Variants in DGKB observed in about 807,000 individuals in gnomAD.
The protein encoded by DGKB is diacylglycerol kinase beta.
In DGKB, 67 loss-of-function variants were observed where a neutral mutation model predicts 114.3. That is an observed-to-expected ratio of 0.59 (90% CI 0.48 to 0.72). The LOEUF (loss-of-function observed/expected upper bound fraction) is 0.72, where lower values mean the gene tolerates loss of function less well. Ranked by LOEUF, DGKB falls within the 30% of genes least tolerant of loss-of-function variation. The pLI, the probability that DGKB is intolerant of heterozygous loss-of-function variation, is 0.00. For missense variants in DGKB, 907 were observed against 975.2 expected, an observed-to-expected ratio of 0.93 and a Z score of 0.93; for synonymous variants, 398 against 323.1, an observed-to-expected ratio of 1.23 and a Z score of -2.49.
At chr7:14,353,222 T>C (rs980002989) in intron 21 of DGKB, among the ~76,000 whole-genome samples, 7 of 152,166 alleles carry the variant, frequency 4.6e-5, no homozygotes, top group African/African-American at 7.2e-5. Context: ...GAAAATGTTA[T>C]AGGCCAGAAA....
intron 2 of DGKB, among the ~76,000 whole-genome samples, chr7:14,784,367 CTTTTT>C (rs1216046590): frequency 7.7e-6 from 1 of 129,200 alleles, no homozygotes; most frequent in Non-Finnish European, 1.6e-5. Context: ...AAATTATATG[CTTTTT>C]TTTTTTTTTT....
Position 14,728,374 on chromosome 7 carries a change from C to A in DGKB, c.322+7667G>T, listed in dbSNP as rs1830330468. On this transcript the variant is annotated intron_variant, in intron 5 of 25. Coordinates refer to ENST00000402815, the MANE Select transcript of DGKB (RefSeq NM_001350709.2). The stretch of plus-strand genomic sequence containing the variant: ...GGATAAAATTCACAACTTAGCATGA[C>A]AGGCAAAACTCTTCCCCACCTGGCC... 2.0e-5 allele frequency among the ~76,000 whole-genome samples: 3 copies of A among 152,278 alleles called. No homozygotes were observed. In the East Asian group the frequency reaches 5.8e-4, roughly 29 times the overall value.
Position 14,205,632 on chromosome 7 carries a change from T to C in DGKB, c.2123-27481A>G, listed in dbSNP as rs529675522. On this transcript the variant is annotated intron_variant, in intron 23 of 25. Transcript: ENST00000402815. ...AGGATCAGACAACATTGGGCCAACTTATCCTCCTTATAAACCTTTTCACCT... is the reference window on the plus strand; with the variant it reads ...AGGATCAGACAACATTGGGCCAACTCATCCTCCTTATAAACCTTTTCACCT... Among the ~76,000 whole-genome samples, 25 of 152,146 alleles carry C rather than the reference T, an allele frequency of 1.6e-4. No individual in the cohort carries two copies. The East Asian group carries it at 4.1e-3, about 25-fold the overall frequency.
At chr7:14,753,298 A>G (rs1245566658) in intron 4 of DGKB, among the ~76,000 whole-genome samples, 3 of 152,210 alleles carry the variant, frequency 2.0e-5, no homozygotes, top group Non-Finnish European at 4.4e-5. Context: ...TAGCTACTCT[A>G]GTGTGATTAA....
intron 1 of DGKB, among the ~76,000 whole-genome samples, chr7:14,928,001 T>G (rs1428029350): frequency 1.3e-5 from 2 of 151,938 alleles, no homozygotes; most frequent in African/African-American, 4.8e-5. Flanking sequence ...AAATGTACCC[T>G]TCATAGTGCT....
rs11348925 is a variant in DGKB, at chr7:14,737,283, A to ATTT, written c.169-1092_169-1090dup. ...CTTTATAGGTAGCCCTTGAAGGCCAATTTTTTTTTTTTTTTTTTTTTTTTT... is the reference window on the plus strand; with the variant it reads ...CTTTATAGGTAGCCCTTGAAGGCCAATTTTTTTTTTTTTTTTTTTTTTTTTTTT... On this transcript the variant is annotated intron_variant, in intron 4 of 25. Coordinates refer to ENST00000402815, the MANE Select transcript of DGKB (RefSeq NM_001350709.2). Among the ~76,000 whole-genome samples, 452 of 82,512 alleles carry ATTT rather than the reference A, an allele frequency of 5.5e-3. 8 individuals are homozygous for ATTT. Among genetic ancestry groups the ATTT allele is most frequent in the East Asian group, 0.044 (115 of 2,588 alleles). 54.1% of individuals were successfully genotyped at this position (82,512 alleles called of 152,430 possible). A position where few individuals can be genotyped will look rare whatever the true frequency, so the allele number is the denominator to read the frequency against.
chr7:14,823,406 T>C (rs376128984), intron 2 of DGKB, among the ~76,000 whole-genome samples: 1 of 152,052 alleles, frequency 6.6e-6, no homozygotes, highest in African/African-American at 2.4e-5. Flanking sequence ...AATTAGCCTT[T>C]GGAGAGAAAA....
chr7:14,538,369 C>T (rs1792882785), intron 20 of DGKB, among the ~76,000 whole-genome samples: 1 of 152,066 alleles, frequency 6.6e-6, no homozygotes, highest in African/African-American at 2.4e-5. Context: ...TGATGCTCAA[C>T]AGTTGTATAA....
chr7:14,253,468 C>T (rs1795536115), intron 23 of DGKB, among the ~76,000 whole-genome samples: 1 of 152,128 alleles, frequency 6.6e-6, no homozygotes, highest in African/African-American at 2.4e-5. Flanking sequence ...AGGCTATTAG[C>T]ACTATATTGT....
At chr7:14,847,106 C>T (rs1057370147) in intron 1 of DGKB, among the ~76,000 whole-genome samples, 24 of 151,802 alleles carry the variant, frequency 1.6e-4, no homozygotes, top group African/African-American at 4.6e-4. Context: ...CTGGCTAACA[C>T]GGTGAAACCC....
intron 17 of DGKB, among the ~76,000 whole-genome samples, chr7:14,586,090 A>T (rs1800715718): frequency 6.6e-6 from 1 of 152,156 alleles, no homozygotes; most frequent in Non-Finnish European, 1.5e-5. Flanking sequence ...GCTAGAAATT[A>T]TTAAGCTGAG....
At chr7:14,708,704 A>G (rs1465361022) in intron 6 of DGKB, among the ~76,000 whole-genome samples, 2 of 151,628 alleles carry the variant, frequency 1.3e-5, no homozygotes, top group Non-Finnish European at 2.9e-5. Flanking sequence ...GAGAAAAACA[A>G]GAAATGGGGA....
At chr7:14,851,883 C>T (rs758047595) in intron 1 of DGKB, among the ~76,000 whole-genome samples, 60 of 152,142 alleles carry the variant, frequency 3.9e-4, no homozygotes, top group Admixed American at 3.5e-3. Flanking sequence ...TGAGTAAAGA[C>T]GCCTTCAGAT....
intron 23 of DGKB, among the ~76,000 whole-genome samples, chr7:14,196,057 C>A (rs896595156): frequency 6.6e-6 from 1 of 152,058 alleles, no homozygotes; most frequent in Non-Finnish European, 1.5e-5. Flanking sequence ...TATATCATGA[C>A]GTCTGGTGAC....
At chr7:14,959,882 G>A (rs1213807352) in intron 1 of DGKB, among the ~76,000 whole-genome samples, 1 of 151,620 alleles carries the variant, frequency 6.6e-6, no homozygotes, top group African/African-American at 2.4e-5. Context: ...ATCTAAATAT[G>A]TACACATATA....
At chr7:14,470,701 T>C (rs556310765) in intron 21 of DGKB, among the ~76,000 whole-genome samples, 13 of 151,806 alleles carry the variant, frequency 8.6e-5, no homozygotes, top group Non-Finnish European at 1.6e-4. Flanking sequence ...CTCAAAAATA[T>C]ATGTAAGATA....
intron 9 of DGKB, among the ~76,000 whole-genome samples, chr7:14,686,368 T>C (rs181807356): frequency 1.3e-5 from 2 of 152,270 alleles, no homozygotes; most frequent in African/African-American, 4.8e-5. Flanking sequence ...GCTACCATCA[T>C]TTTCTCCATT....
rs572746929 is a variant in DGKB at position 14,419,853 on chromosome 7, T to C, written c.1835+58308A>G. The stretch of plus-strand genomic sequence containing the variant: ...AAGAACAGTCTCAAAGTCCTTGTGT[T>C]CCATATGGTCCATGGATTTCCAAAG... On this transcript the variant is annotated intron_variant, in intron 21 of 25. Coordinates refer to ENST00000402815, the MANE Select transcript of DGKB (RefSeq NM_001350709.2). Among the ~76,000 whole-genome samples, 3 of 152,178 alleles carry C rather than the reference T, an allele frequency of 2.0e-5. No homozygotes were observed. In the South Asian group the frequency reaches 6.2e-4, roughly 32 times the overall value.
At chr7:14,270,894 A>T (rs1798173964) in intron 23 of DGKB, among the ~76,000 whole-genome samples, 1 of 152,168 alleles carries the variant, frequency 6.6e-6, no homozygotes, top group Non-Finnish European at 1.5e-5. Context: ...GTAGAAAGTG[A>T]TTTTTCAAGA....
Sources: gnomAD v4.1 joint callset for allele counts (sites outside exome capture counted in the v4.1 genomes callset) on GRCh38, gnomAD v4.1.1 for gene constraint, MANE v1.5 for transcripts, NCBI Gene and HGNC (gene_info 2026-07-23, HGNC 2026-07-21) for gene names.